TRAPPC9: variants seen among roughly 807,000 people sequenced by gnomAD.
TRAPPC9 encodes the protein IKK2 binding protein.
Under a neutral mutation model 124.0 loss-of-function variants are expected in TRAPPC9, and 83 were observed. The ratio of observed to expected loss-of-function variants is 0.67; its 90% CI spans 0.56 to 0.80. The LOEUF is 0.80. TRAPPC9 is among the 30% of genes least tolerant of loss of function. TRAPPC9 has a pLI of 0.00. For missense variants in TRAPPC9, 1,302 were observed against 1,508.3 expected, an observed-to-expected ratio of 0.86 and a Z score of 2.27; for synonymous variants, 638 against 617.5, an observed-to-expected ratio of 1.03 and a Z score of -0.49.
intron 21 of TRAPPC9, among the ~76,000 whole-genome samples, chr8:139,781,102 TG>T (rs1194235075): frequency 1.3e-5 from 2 of 152,188 alleles, no homozygotes; most frequent in Non-Finnish European, 2.9e-5. Context: ...GAGAGTTTGT[TG>T]ATTTATGACA....
intron 9 of TRAPPC9, among the ~76,000 whole-genome samples, chr8:140,342,620 T>C (rs1004834532): frequency 6.6e-6 from 1 of 152,152 alleles, no homozygotes; most frequent in Admixed American, 6.6e-5. Flanking sequence ...CTGGGATTCC[T>C]TGTAACACAG....
chr8:140,415,864 C>T (rs932374288), intron 5 of TRAPPC9, among the ~76,000 whole-genome samples: 6 of 151,874 alleles, frequency 4.0e-5, no homozygotes, highest in African/African-American at 1.2e-4. Context: ...ACTCAGAGGC[C>T]GAAGCTGAAG....
chr8:140,190,594 G>A (rs549111806), intron 17 of TRAPPC9, among the ~76,000 whole-genome samples: 28 of 152,326 alleles, frequency 1.8e-4, no homozygotes, highest in African/African-American at 6.7e-4. Flanking sequence ...GGCAGAGCCT[G>A]GAGGAACCAG....
At chr8:139,754,384 G>C (rs1280280370) in intron 21 of TRAPPC9, among the ~76,000 whole-genome samples, 1 of 152,184 alleles carries the variant, frequency 6.6e-6, no homozygotes, top group Non-Finnish European at 1.5e-5. Flanking sequence ...GGTCTGAAAA[G>C]GTGCCCCTCA....
rs58818739 is a variant in TRAPPC9 at position 140,353,061 on chromosome 8, G to C, written c.1495+6989C>G. On this transcript the variant is annotated intron_variant, in intron 9 of 22. Coordinates refer to ENST00000438773, the MANE Select transcript of TRAPPC9 (RefSeq NM_001160372.4). The surrounding 1 kb of genome is among the most constrained non-coding windows in gnomAD (Gnocchi z 4.2). ...AAACCAAGACACAGATAGGGTTTTC[G>C]AGAAAACACCATCTACCCAGAGGCC... 1.3e-5 allele frequency among the ~76,000 whole-genome samples: 2 copies of C among 152,058 alleles called. No homozygotes were observed. Among genetic ancestry groups the C allele is most frequent in the Admixed American group, 1.3e-4 (2 of 15,270 alleles).
chr8:139,882,942 A>G (rs1829768526), intron 21 of TRAPPC9, among the ~76,000 whole-genome samples: 1 of 152,196 alleles, frequency 6.6e-6, no homozygotes, highest in Non-Finnish European at 1.5e-5. Context: ...GAAATCCCTG[A>G]GCCCCCCTAT....
At chr8:140,184,428 T>C (rs2062304769) in intron 17 of TRAPPC9, among the ~76,000 whole-genome samples, 1 of 152,118 alleles carries the variant, frequency 6.6e-6, no homozygotes, top group Admixed American at 6.5e-5. Flanking sequence ...ATCTCTTAAA[T>C]ACCTTTATTA....
intron 21 of TRAPPC9, among the ~76,000 whole-genome samples, chr8:139,795,932 G>A (rs1287066660): frequency 6.6e-6 from 1 of 152,138 alleles, no homozygotes; most frequent in Non-Finnish European, 1.5e-5. Context: ...ACAGGAGAAG[G>A]CGGCCAAACT....
At chr8:140,273,531 A>T (rs1159298927) in intron 15 of TRAPPC9, among the ~76,000 whole-genome samples, 1 of 152,160 alleles carries the variant, frequency 6.6e-6, no homozygotes, top group East Asian at 1.9e-4. Flanking sequence ...TTTCACACAC[A>T]GGTTGTGTGA....
chr8:140,363,740 G>C (rs1489984179), intron 8 of TRAPPC9, among the ~76,000 whole-genome samples: 1 of 152,014 alleles, frequency 6.6e-6, no homozygotes, highest in African/African-American at 2.4e-5. Context: ...TGGGATTACA[G>C]GCACGTACCA....
intron 21 of TRAPPC9, among the ~76,000 whole-genome samples, chr8:139,754,051 G>C (rs1819535711): frequency 6.6e-6 from 1 of 152,072 alleles, no homozygotes. Flanking sequence ...AGTGCAAAAA[G>C]AGAGACCATC....
chr8:140,284,173 C>T, intron 13 of TRAPPC9, 152 bp from the exon 14 acceptor site: 1 of 907,150 alleles, frequency 1.1e-6, no homozygotes, highest in Non-Finnish European at 1.8e-6. Context: ...ACACTCCCGC[C>T]CTCAACCCCA....
chr8:139,733,371 A>C (rs1817961532), intron 21 of TRAPPC9, among the ~76,000 whole-genome samples: 1 of 152,026 alleles, frequency 6.6e-6, no homozygotes. Flanking sequence ...TGCCTCCAGA[A>C]CTGAGAACAC....
At chr8:140,090,708 A>G (rs1025424958) in intron 17 of TRAPPC9, among the ~76,000 whole-genome samples, 1 of 152,272 alleles carries the variant, frequency 6.6e-6, no homozygotes, top group African/African-American at 2.4e-5. Flanking sequence ...AACAAAGTAC[A>G]TGAGCCCATC....
At chr8:140,161,115 T>G (rs2061744193) in intron 17 of TRAPPC9, among the ~76,000 whole-genome samples, 2 of 152,186 alleles carry the variant, frequency 1.3e-5, no homozygotes, top group African/African-American at 2.4e-5. Context: ...ACTCAGTGTT[T>G]CCATCTAAAG....
chr8:139,935,685 T>G (rs1248066159), intron 19 of TRAPPC9, among the ~76,000 whole-genome samples: 1 of 151,966 alleles, frequency 6.6e-6, no homozygotes, highest in Non-Finnish European at 1.5e-5. Context: ...TTTTTTTTTT[T>G]TTTTTACATT....
intron 10 of TRAPPC9, chr8:140,302,592 C>T (rs1217534868): frequency 2.0e-5 from 3 of 152,360 alleles, no homozygotes; most frequent in African/African-American, 4.8e-5. Context: ...GGAACAGCAG[C>T]CGTCAGGGCC....
intron 17 of TRAPPC9, among the ~76,000 whole-genome samples, chr8:140,139,773 CA>C (rs2061356120): frequency 2.0e-5 from 3 of 152,040 alleles, no homozygotes; most frequent in African/African-American, 7.2e-5. Flanking sequence ...AGTGAATGGG[CA>C]GGGGCACCGC....
chr8:139,823,126 A>G (rs910141114), intron 21 of TRAPPC9, among the ~76,000 whole-genome samples: 12 of 151,966 alleles, frequency 7.9e-5, no homozygotes, highest in African/African-American at 2.4e-4. Flanking sequence ...ATACAACCAC[A>G]CTGGGGGTTA....
Sources: gnomAD v4.1 joint callset for allele counts (sites outside exome capture counted in the v4.1 genomes callset) on GRCh38, gnomAD v4.1.1 for gene constraint, Gnocchi (gnomAD v3.1) non-coding constraint, MANE v1.5 for transcripts, NCBI Gene and HGNC (gene_info 2026-07-23, HGNC 2026-07-21) for gene names.